JMJD1C: variants seen among roughly 807,000 people sequenced by gnomAD.
JMJD1C encodes jumonji domain containing 1C.
JMJD1C carries 31 observed loss-of-function variants against 245.3 expected under a neutral mutation model. The observed-to-expected ratio is 0.13, with a 90% CI of 0.09 to 0.17. The LOEUF is 0.17. Among genes scored for constraint, JMJD1C ranks in the 10% least tolerant of loss-of-function variants. JMJD1C has a pLI of 1.00. For missense variants in JMJD1C, 2,691 were observed against 3,000.2 expected, an observed-to-expected ratio of 0.90 and a Z score of 2.41; for synonymous variants, 1,057 against 1,017.4, an observed-to-expected ratio of 1.04 and a Z score of -0.74.
intron 24 of JMJD1C, among the ~76,000 whole-genome samples, chr10:63,169,342 G>C (rs977508087): frequency 6.6e-4 from 101 of 152,262 alleles, no homozygotes; most frequent in African/African-American, 2.3e-3. Flanking sequence ...AACAGAGGAA[G>C]GCCCAAGCTG....
intron 2 of JMJD1C, among the ~76,000 whole-genome samples, chr10:63,279,113 G>C (rs913250625): frequency 6.6e-6 from 1 of 151,712 alleles, no homozygotes; most frequent in African/African-American, 2.4e-5. Context: ...TCTCCGGTGT[G>C]TTGGCGGGCG....
At chr10:63,210,488 C>T (rs987617616) in intron 8 of JMJD1C, among the ~76,000 whole-genome samples, 1 of 152,070 alleles carries the variant, frequency 6.6e-6, no homozygotes, top group Admixed American at 6.5e-5. Flanking sequence ...AACACAGAGG[C>T]TAGACAGTCA....
intron 22 of JMJD1C, among the ~76,000 whole-genome samples, chr10:63,179,713 C>CA (rs1843243569): frequency 6.6e-6 from 1 of 151,012 alleles, no homozygotes; most frequent in Non-Finnish European, 1.5e-5. Context: ...GTTGAAGCTG[C>CA]AGTGAGCTGA....
At chr10:63,341,406 T>C (rs1339405719) in intron 2 of JMJD1C, among the ~76,000 whole-genome samples, 1 of 152,234 alleles carries the variant, frequency 6.6e-6, no homozygotes, top group Non-Finnish European at 1.5e-5. Flanking sequence ...AGACAGCCTC[T>C]ACAGGCATTA....
intron 3 of JMJD1C, among the ~76,000 whole-genome samples, chr10:63,225,066 A>G (rs1241486473): frequency 6.6e-6 from 1 of 152,072 alleles, no homozygotes; most frequent in Non-Finnish European, 1.5e-5. Context: ...GTCTCGAAAA[A>G]AAAAGAAAAA....
chr10:63,295,647 G>C (rs184523859), intron 2 of JMJD1C, among the ~76,000 whole-genome samples: 4 of 152,122 alleles, frequency 2.6e-5, no homozygotes, highest in African/African-American at 9.6e-5. Context: ...CAAATTGTTA[G>C]AGACAAAATT....
chr10:63,301,678 G>C (rs1165677477), intron 2 of JMJD1C: 1 of 417,976 alleles, frequency 2.4e-6, no homozygotes, highest in Non-Finnish European at 4.7e-6. Flanking sequence ...CAAGGGGAGA[G>C]AGAGCATTAG....
At chr10:63,517,137 A>T (rs536867958) in intron 1 of JMJD1C, among the ~76,000 whole-genome samples, 2 of 152,348 alleles carry the variant, frequency 1.3e-5, no homozygotes, top group South Asian at 2.1e-4. Context: ...AGAAATGCGA[A>T]GGTGACCTAG....
intron 2 of JMJD1C, among the ~76,000 whole-genome samples, chr10:63,280,767 T>A (rs967574438): frequency 2.0e-5 from 3 of 152,162 alleles, no homozygotes; most frequent in African/African-American, 7.2e-5. Flanking sequence ...TGTGTATATA[T>A]AAAGAAGCAT....
At chr10:63,253,311 C>A (rs1853367608) in intron 3 of JMJD1C, among the ~76,000 whole-genome samples, 1 of 151,694 alleles carries the variant, frequency 6.6e-6, no homozygotes, top group African/African-American at 2.4e-5. Flanking sequence ...GTGGAAAGGA[C>A]AACTTTTCAA....
chr10:63,440,365 T>TGGAG (rs1554937973), intron 1 of JMJD1C, among the ~76,000 whole-genome samples: 3 of 138,250 alleles, frequency 2.2e-5, no homozygotes, highest in Non-Finnish European at 3.1e-5. Flanking sequence ...TATATATATA[T>TGGAG]AGAGAGAGAG....
At chr10:63,479,984 C>G (rs142052459) in intron 1 of JMJD1C, among the ~76,000 whole-genome samples, 1 of 152,092 alleles carries the variant, frequency 6.6e-6, no homozygotes, top group Non-Finnish European at 1.5e-5. Flanking sequence ...GATAGATTTG[C>G]CAAATATATA....
chr10:63,175,377 T>C (rs914733160), intron 24 of JMJD1C, among the ~76,000 whole-genome samples: 18 of 152,210 alleles, frequency 1.2e-4, no homozygotes, highest in Non-Finnish European at 1.2e-4. Context: ...AAAAGGTATT[T>C]ATTATTATGA....
chr10:63,425,644 A>G lies in JMJD1C; in HGVS notation c.168+39851T>C, dbSNP rs138381944. Among the ~76,000 whole-genome samples, 328 of 152,222 alleles carry G rather than the reference A, an allele frequency of 2.2e-3. 2 individuals carry two copies. Among genetic ancestry groups the G allele is most frequent in the African/African-American group, 7.5e-3 (311 of 41,522 alleles). ...AAAAAATAAAAAAAATTAGCCAGGC[A>G]TGGTTGTGCACACCTGTATCCCAGC... On this transcript the variant is annotated intron_variant, in intron 1 of 25. Coordinates refer to ENST00000399262, the MANE Select transcript of JMJD1C (RefSeq NM_032776.3).
At chr10:63,351,660 A>T (rs1311504229) in intron 2 of JMJD1C, among the ~76,000 whole-genome samples, 1 of 152,196 alleles carries the variant, frequency 6.6e-6, no homozygotes, top group Non-Finnish European at 1.5e-5. Flanking sequence ...CCCTCTGTTC[A>T]TGCAAAGAAG....
intron 1 of JMJD1C, among the ~76,000 whole-genome samples, chr10:63,415,591 T>C (rs564984305): frequency 2.3e-4 from 35 of 152,232 alleles, no homozygotes; most frequent in Non-Finnish European, 4.1e-4. Flanking sequence ...CTTTTTATTT[T>C]TGTAAGGTGA....
intron 2 of JMJD1C, among the ~76,000 whole-genome samples, chr10:63,303,656 C>T (rs576155055): frequency 5.4e-4 from 82 of 152,202 alleles, no homozygotes; most frequent in African/African-American, 1.9e-3. Flanking sequence ...TCACGTATAA[C>T]GTACATATGT....
chr10:63,478,740 C>T (rs1283989300), intron 1 of JMJD1C, among the ~76,000 whole-genome samples: 3 of 152,094 alleles, frequency 2.0e-5, no homozygotes, highest in African/African-American at 7.2e-5. Flanking sequence ...GGGAAGCTCA[C>T]CTGAGGCTTA....
chr10:63,396,651 G>A (rs1233548956), intron 1 of JMJD1C, among the ~76,000 whole-genome samples: 1 of 152,054 alleles, frequency 6.6e-6, no homozygotes, highest in African/African-American at 2.4e-5. Context: ...GAAAAGTTTA[G>A]GATATGGAAT....
Sources: allele counts gnomAD v4.1 joint callset (sites outside exome capture counted in the v4.1 genomes callset), GRCh38; gene constraint gnomAD v4.1.1; transcripts MANE v1.5; gene names NCBI Gene and HGNC (gene_info 2026-07-23, HGNC 2026-07-21).